Variants in IFT172 observed in about 807,000 individuals in gnomAD.
The protein encoded by IFT172 is intraflagellar transport protein 172 homolog.
In IFT172, 164 loss-of-function variants were observed where a neutral mutation model predicts 248.9. That is an observed-to-expected ratio of 0.66 (90% CI 0.58 to 0.75). The LOEUF (loss-of-function observed/expected upper bound fraction) is 0.75. IFT172 is among the 30% of genes least tolerant of loss of function. The pLI is 0.00. For missense variants in IFT172, 1,950 were observed against 2,192.4 expected, an observed-to-expected ratio of 0.89 and a Z score of 2.21; for synonymous variants, 729 against 791.6, an observed-to-expected ratio of 0.92 and a Z score of 1.33.
rs773920255 is a variant in IFT172 at position 27,470,893 on chromosome 2, A to C, written c.1692+35T>G. 5.8e-6 allele frequency: 9 copies of C among 1,540,036 alleles called. No individual in the cohort carries two copies. The African/African-American group carries it at 8.3e-5, about 14-fold the overall frequency. On this transcript the variant is annotated intron_variant, in intron 16 of 47. Transcript: ENST00000260570. ...CTCATGGCTCTAATTAATCAGCTCA[A>C]TACCACATCTGAGGGCCCCTAGTGT...
In IFT172 at chr2:27,456,485, C is replaced by T. The variant is rs183564315; in HGVS notation, c.3371+26G>A. On this transcript the variant is annotated intron_variant, in intron 30 of 47. Transcript: ENST00000260570. ...TAGTGGCTCTGGCTGGGATGGGGCC[C>T]GTGGAGAGAAAGCTTGGGGCCTCAC... The T allele has an allele frequency of 3.3e-3, 5,352 of 1,603,638 alleles. 14 individuals are homozygous for T. The highest frequency in any genetic ancestry group is 3.4e-3 in the Non-Finnish European group (3,996 of 1,175,778).
At chr2:27,477,795 G>C (rs535327307) in intron 11 of IFT172, among the ~76,000 whole-genome samples, 183 bp from the exon 12 acceptor site, 8 of 152,294 alleles carry the variant, frequency 5.3e-5, no homozygotes, top group Admixed American at 3.3e-4. Context: ...TTTTCTGAGA[G>C]ATGGCATAAA....
At chr2:27,465,545 A>G (rs1216967808) in intron 17 of IFT172, 27 bp from the exon 18 acceptor site, 1 of 1,605,962 alleles carries the variant, frequency 6.2e-7, no homozygotes, top group South Asian at 1.1e-5. Context: ...GCAAAGCATA[A>G]TGAATGAGGA....
rs1421536695 is a variant in IFT172 at position 27,471,460 on chromosome 2, G to A, written c.1525-365C>T. ...TTTCACTGAAATGAAAAGTCATCAGGTTGTCTCTTTGATCTGAGGTTGAAG... is the reference window on the plus strand; with the variant it reads ...TTTCACTGAAATGAAAAGTCATCAGATTGTCTCTTTGATCTGAGGTTGAAG... On this transcript the variant is annotated intron_variant, in intron 15 of 47. Transcript: ENST00000260570. 4.6e-5 allele frequency among the ~76,000 whole-genome samples: 7 copies of A among 152,316 alleles called. No individual in the cohort carries two copies. The East Asian group carries it at 1.3e-3, about 29-fold the overall frequency.
rs1461198385 is a variant in IFT172, at chr2:27,477,329, A to C, written c.1222-9T>G. The C allele has an allele frequency of 6.2e-7, 1 of 1,611,378 alleles. No individual in the cohort carries two copies. The highest frequency in any genetic ancestry group is 2.2e-5 in the East Asian group (1 of 44,870). ...TTGAAGATCATGCATACCTGGGAAA[A>C]ATGGAGTTGTTATACGGTGGAAAGG... On this transcript the variant is annotated splice_polypyrimidine_tract_variant and intron_variant, in intron 12 of 47. Transcript: ENST00000260570.
In IFT172 at chr2:27,445,220, T is replaced by C. The variant is rs1664950066; in HGVS notation, c.5068+76A>G. The C allele has an allele frequency of 6.3e-7, 1 of 1,580,006 alleles. No homozygotes were observed. Among genetic ancestry groups the C allele is most frequent in the African/African-American group, 1.4e-5 (1 of 73,906 alleles). The stretch of plus-strand genomic sequence containing the variant: ...CCTGTCTTTTGTACCCTTTACTGAA[T>C]CCTAGTAAAATTAAGTTTATTGATC... On this transcript the variant is annotated intron_variant, in intron 46 of 47. Coordinates refer to ENST00000260570, the MANE Select transcript of IFT172 (RefSeq NM_015662.3). The surrounding 1 kb of genome is among the most constrained non-coding windows in gnomAD (Gnocchi z 4.4).
chr2:27,475,439 T>C (rs1667890699), intron 14 of IFT172: 1 of 152,178 alleles, frequency 6.6e-6, no homozygotes, highest in Admixed American at 6.5e-5. Context: ...ATGTCAGGAT[T>C]TGACAGAACT....
In IFT172 at chr2:27,489,738, G is replaced by T; in HGVS notation, c.-85C>A. Reference sequence around the variant, plus strand: ...AACCCGCCACGCAGCCGCAGCGACAGGCACTGACGCTTATGCGACCGGAGC... The same window carrying T: ...AACCCGCCACGCAGCCGCAGCGACATGCACTGACGCTTATGCGACCGGAGC... On this transcript the variant is annotated 5_prime_UTR_variant, in exon 1 of 48. It adds an upstream start codon to the 5' untranslated region. Transcript: ENST00000260570. 1 of 1,050,950 alleles carries T rather than the reference G, an allele frequency of 9.5e-7. No homozygotes were observed. Among genetic ancestry groups the T allele is most frequent in the Non-Finnish European group, 1.4e-6 (1 of 692,192 alleles). 65.1% of individuals were successfully genotyped at this position (1,050,950 alleles called of 1,614,324 possible). A position where few individuals can be genotyped will look rare whatever the true frequency, so the allele number is the denominator to read the frequency against.
At chr2:27,466,659 A>G (rs146492621) in intron 16 of IFT172, among the ~76,000 whole-genome samples, 331 of 152,326 alleles carry the variant, frequency 2.2e-3, no homozygotes, top group Non-Finnish European at 3.5e-3. Context: ...CCACTATGAA[A>G]AAGTAAACAA....
chr2:27,453,526 G>A lies in IFT172; in HGVS notation c.3822-13C>T, dbSNP rs765929814. ...TCCCTCCACACCCCTGTGGAGATGA[G>A]AGCGCTGGGACTTGGCATGGTAGGG... is the stretch of plus-strand genomic sequence containing the variant. On this transcript the variant is annotated splice_polypyrimidine_tract_variant and intron_variant, in intron 34 of 47. Transcript: ENST00000260570. 5.0e-6 allele frequency: 8 copies of A among 1,613,266 alleles called. No individual in the cohort carries two copies. In the African/African-American group the frequency reaches 9.3e-5, roughly 19 times the overall value.
chr2:27,459,396 TG>T lies in IFT172; in HGVS notation c.2768del (p.Ala923AspfsTer23). On this transcript the variant is annotated frameshift_variant, in exon 25 of 48. Coordinates refer to ENST00000260570, the MANE Select transcript of IFT172 (RefSeq NM_015662.3). LOFTEE classifies it high-confidence loss of function. ...TCCTCACCTCATACTCCTGCAGGGATGCATAGTGTTGGGCCACGAGAGGATA... is the reference window on the plus strand; with the variant it reads ...TCCTCACCTCATACTCCTGCAGGGATCATAGTGTTGGGCCACGAGAGGATA... ...KYYPLVAQHY[A>X]SLQEYEIAEE... 1 of 1,614,152 alleles carries T rather than the reference TG, an allele frequency of 6.2e-7. No homozygotes were observed. The highest frequency in any genetic ancestry group is 8.5e-7 in the Non-Finnish European group (1 of 1,180,020).
At chr2:27,461,596 A>G (rs1666675009) in intron 21 of IFT172, 79 bp from the exon 22 acceptor site, 3 of 1,548,140 alleles carry the variant, frequency 1.9e-6, no homozygotes, top group African/African-American at 2.7e-5. Context: ...CAATCCCTCT[A>G]TAACAAGGGG....
rs1572767380 is a variant in IFT172 at position 27,462,716 on chromosome 2, C to A, written c.2100G>T (p.Met700Ile). The stretch of plus-strand genomic sequence containing the variant: ...TTCCTATTACCTGTTCCAAAAAGAT[C>A]ATTTCAGCCAGTTTGTAGTTCTTTT... ...MLEKNYKLAE[M>I]IFLEQNAVEE... Residue 700 changes from methionine (M) to isoleucine (I), a missense_variant, in exon 20 of 48, where the codon ATG becomes ATT. Physicochemically the swap from Met to Ile is conservative, Grantham distance 10 (BLOSUM62 1). This residue lies in a region of IFT172 where 1,166 missense variants were observed against 1,254.1 expected (regional missense o/e 0.93). Transcript: ENST00000260570. The A allele has an allele frequency of 5.0e-6, 8 of 1,613,656 alleles. No homozygotes were observed. The highest frequency in any genetic ancestry group is 1.3e-5 in the African/African-American group (1 of 74,868).
chr2:27,454,773 G>A lies in IFT172; in HGVS notation c.3372-113C>T. 1.1e-6 allele frequency: 1 copy of A among 886,994 alleles called. No individual in the cohort carries two copies. The allele number at this position is 886,994 out of a possible 1,614,324, so 54.9% of individuals were successfully genotyped here. A position where few individuals can be genotyped will look rare whatever the true frequency, so the allele number is the denominator to read the frequency against. The stretch of plus-strand genomic sequence containing the variant: ...AGGGGAGAAAAAGTGACAGATTTAA[G>A]GATAACAAATATGAAGTGACAGAAA... On this transcript the variant is annotated intron_variant, in intron 30 of 47. Transcript: ENST00000260570. The surrounding 1 kb of genome is among the most constrained non-coding windows in gnomAD (Gnocchi z 4.2).
Position 27,447,607 on chromosome 2 carries a change from C to T in IFT172, c.4567G>A (p.Ala1523Thr), listed in dbSNP as rs975152889. 1.2e-6 allele frequency: 2 copies of T among 1,614,130 alleles called. No homozygotes were observed. The highest frequency in any genetic ancestry group is 8.5e-7 in the Non-Finnish European group (1 of 1,180,038). The stretch of plus-strand genomic sequence containing the variant: ...AACTCCTCATGGGCTGGAGAGTTTG[C>T]CTCACTGGACTTCACCAGGTTTTCA... Reference protein sequence around the residue: ...LCENLVKSSEANSPAHEEFKT... With the variant: ...LCENLVKSSETNSPAHEEFKT... The change falls in exon 42 of 48, where the codon GCA becomes ACA. Residue 1523 changes from alanine (A) to threonine (T), a missense_variant. Transcript: ENST00000260570.
chr2:27,489,124 G>C (rs1006887841), intron 1 of IFT172, among the ~76,000 whole-genome samples: 2 of 152,190 alleles, frequency 1.3e-5, no homozygotes, highest in African/African-American at 4.8e-5. Flanking sequence ...GGTGGAGCTA[G>C]GACTTAAATT....
rs1430470069 is a variant in IFT172, at chr2:27,489,648, G to T, written c.6C>A (p.His2Gln). M[H>Q]LKHLRTLLSP... is the part of the protein sequence containing the mutation. ...TCAGCAGGGTCCTCAGGTGCTTCAA[G>T]TGCATGACGCACACCTGTCTTTCAG... is the stretch of plus-strand genomic sequence containing the variant. The change falls in exon 1 of 48, where the codon CAC becomes CAA. Residue 2 changes from histidine (H) to glutamine (Q), a missense_variant. His to Gln is a conservative substitution (Grantham distance 24). Around this residue, in one of 3 missense-constraint regions of IFT172, gnomAD observed 1,166 missense variants for 1,254.1 expected, o/e 0.93. Transcript: ENST00000260570. 1 of 1,612,086 alleles carries T rather than the reference G, an allele frequency of 6.2e-7. No homozygotes were observed.
intron 7 of IFT172, among the ~76,000 whole-genome samples, chr2:27,482,116 G>T (rs1373014942): frequency 6.6e-6 from 1 of 151,562 alleles, no homozygotes; most frequent in Non-Finnish European, 1.5e-5. Flanking sequence ...CCGAGTAGCT[G>T]GGATTCCGGG....
At position 27,477,601 on chromosome 2, in the gene IFT172, T is replaced by C. The variant is rs1668056106; in HGVS notation, c.1179A>G (p.Gln393=). ...AATACTTCTCATTGCCACCAGATCCTTGCCAGGCTATCTGTAACGGGAGAA... is the reference window on the plus strand; with the variant it reads ...AATACTTCTCATTGCCACCAGATCCCTGCCAGGCTATCTGTAACGGGAGAA... The part of the protein sequence containing the change: ...NTNRLSEIAW[Q]GSGGNEKYFF... Residue 393 remains glutamine, a synonymous_variant, in exon 12 of 48, where the codon CAA becomes CAG. Transcript: ENST00000260570. The C allele has an allele frequency of 6.2e-7, 1 of 1,608,810 alleles. No homozygotes were observed. The highest frequency in any genetic ancestry group is 1.3e-5 in the African/African-American group (1 of 74,952).
Sources: allele counts gnomAD v4.1 joint callset (sites outside exome capture counted in the v4.1 genomes callset), GRCh38; gene constraint gnomAD v4.1.1; regional missense constraint gnomAD v4.1.1; non-coding constraint Gnocchi (gnomAD v3.1); transcripts MANE v1.5; gene names NCBI Gene and HGNC (gene_info 2026-07-23, HGNC 2026-07-21).